Variants in AGTPBP1 observed in about 807,000 individuals in gnomAD.
The protein encoded by AGTPBP1 is ATP/GTP binding carboxypeptidase 1.
AGTPBP1 carries 70 observed loss-of-function variants against 143.9 expected under a neutral mutation model. The ratio of observed to expected loss-of-function variants is 0.49; its 90% CI spans 0.40 to 0.59. The LOEUF is 0.59. AGTPBP1 is among the 20% of genes least tolerant of loss of function. The probability of loss-of-function intolerance (pLI) is 0.00; values close to 1 mark genes in which losing one functional copy is unlikely to be tolerated. For synonymous variants in AGTPBP1, 463 were observed against 500.2 expected (o/e 0.93, Z 0.99); for missense variants, 1,229 against 1,464.5 (o/e 0.84, Z 2.62).
chr9:85,714,554 G>A (rs1209502593), intron 1 of AGTPBP1, among the ~76,000 whole-genome samples: 1 of 152,126 alleles, frequency 6.6e-6, no homozygotes, highest in Non-Finnish European at 1.5e-5. Context: ...AAATCTGTCT[G>A]CAGCTAGACA....
At chr9:85,580,581 T>C (rs943929114) in intron 23 of AGTPBP1, among the ~76,000 whole-genome samples, 1 of 152,152 alleles carries the variant, frequency 6.6e-6, no homozygotes, top group African/African-American at 2.4e-5. Flanking sequence ...TTTATAATTA[T>C]AGGTATGCTA....
chr9:85,627,453 A>G (rs980800792), intron 14 of AGTPBP1, among the ~76,000 whole-genome samples: 1 of 152,196 alleles, frequency 6.6e-6, no homozygotes, highest in Non-Finnish European at 1.5e-5. Flanking sequence ...AGGAACAAAT[A>G]ATTTTGAAGA....
chr9:85,642,691 A>G, intron 13 of AGTPBP1, 136 bp downstream of exon 13: 1 of 718,720 alleles, frequency 1.4e-6, no homozygotes, highest in Non-Finnish European at 2.3e-6. Flanking sequence ...TAATTATTCA[A>G]TGCCACTCAG....
intron 14 of AGTPBP1, among the ~76,000 whole-genome samples, chr9:85,626,364 A>G (rs566236873): frequency 2.0e-5 from 3 of 152,370 alleles, no homozygotes; most frequent in Admixed American, 1.3e-4. Flanking sequence ...CACTGAAATC[A>G]TGTAAAGGAG....
In AGTPBP1 at chr9:85,587,401, A is replaced by G. The variant is rs77829971; in HGVS notation, c.2904-441T>C. On this transcript the variant is annotated intron_variant, in intron 21 of 25. Coordinates refer to ENST00000357081, the MANE Select transcript of AGTPBP1 (RefSeq NM_001330701.2). ...TCTTCTGAGAAAGACAAGTATATGAAAAGTATACACTGTTGTAAAACATCA... is the reference window on the plus strand; with the variant it reads ...TCTTCTGAGAAAGACAAGTATATGAGAAGTATACACTGTTGTAAAACATCA... Among the ~76,000 whole-genome samples, 420 of 152,312 alleles carry G rather than the reference A, an allele frequency of 2.8e-3. 3 individuals carry two copies. Among genetic ancestry groups the G allele is most frequent in the African/African-American group, 9.5e-3 (393 of 41,574 alleles).
intron 24 of AGTPBP1, among the ~76,000 whole-genome samples, chr9:85,578,476 A>G (rs1011913830): frequency 1.3e-5 from 2 of 152,220 alleles, no homozygotes; most frequent in African/African-American, 4.8e-5. Context: ...AAACAAACAC[A>G]TAAATAATAG....
chr9:85,578,128 AC>A (rs1828012246), intron 24 of AGTPBP1, among the ~76,000 whole-genome samples: 1 of 152,208 alleles, frequency 6.6e-6, no homozygotes, highest in African/African-American at 2.4e-5. Context: ...CTAAAGTCCA[AC>A]TCATTGCACA....
At chr9:85,596,215 A>C (rs1829290954) in intron 18 of AGTPBP1, 147 bp downstream of exon 18, 1 of 574,282 alleles carries the variant, frequency 1.7e-6, no homozygotes, top group South Asian at 2.8e-5. Flanking sequence ...CTCAAGTTCA[A>C]AAGGACTCTT....
At chr9:85,796,733 G>C in the AGTPBP1 span, among the ~76,000 whole-genome samples, 3 of 152,152 alleles carry the variant, frequency 2.0e-5, no homozygotes, top group Non-Finnish European at 4.4e-5. Context: ...GCCTGTATTA[G>C]AACATCTCAT....
intron 11 of AGTPBP1, among the ~76,000 whole-genome samples, chr9:85,649,356 G>A (rs1372094993): frequency 6.6e-6 from 1 of 152,098 alleles, no homozygotes; most frequent in African/African-American, 2.4e-5. Context: ...TTCCCTTTAT[G>A]TTTTCTATGT....
chr9:85,680,545 T>C (rs1051210802), intron 4 of AGTPBP1, among the ~76,000 whole-genome samples: 6 of 151,210 alleles, frequency 4.0e-5, no homozygotes, highest in African/African-American at 1.2e-4. Flanking sequence ...GATTGCACCA[T>C]TGCACTCCAG....
intron 14 of AGTPBP1, among the ~76,000 whole-genome samples, chr9:85,624,245 A>C (rs967953583): frequency 3.3e-5 from 5 of 152,184 alleles, no homozygotes; most frequent in Admixed American, 2.0e-4. Context: ...CTTTACAGAG[A>C]GTATAACATA....
At chr9:85,567,853 TAAAG>T (rs1453260150) in intron 25 of AGTPBP1, among the ~76,000 whole-genome samples, 2 of 152,130 alleles carry the variant, frequency 1.3e-5, no homozygotes, top group African/African-American at 2.4e-5. Flanking sequence ...AAGGGAATGA[TAAAG>T]AAGCAATTTT....
intron 3 of AGTPBP1, among the ~76,000 whole-genome samples, chr9:85,688,113 A>AAAAAAAAAAG: frequency 6.7e-6 from 1 of 149,338 alleles, no homozygotes; most frequent in Non-Finnish European, 1.5e-5. Context: ...AAAAAAAAAA[A>AAAAAAAAAAG]AAAAAAAGGC....
intron 13 of AGTPBP1, among the ~76,000 whole-genome samples, chr9:85,634,952 T>TC (rs1394634241): frequency 1.1e-4 from 17 of 152,078 alleles, no homozygotes; most frequent in African/African-American, 3.9e-4. Context: ...ACTATGGTTT[T>TC]TTAAAAAAAA....
intron 2 of AGTPBP1, among the ~76,000 whole-genome samples, chr9:85,703,358 CAA>C (rs1236298410): frequency 6.6e-6 from 1 of 152,114 alleles, no homozygotes; most frequent in Non-Finnish European, 1.5e-5. Context: ...ATAAAGGAAT[CAA>C]GAGTAGAGGC....
intron 11 of AGTPBP1, among the ~76,000 whole-genome samples, chr9:85,653,554 C>T (rs1169783851): frequency 6.6e-6 from 1 of 152,086 alleles, no homozygotes; most frequent in Non-Finnish European, 1.5e-5. Context: ...TACTACTGGC[C>T]GCAGCACAGG....
At chr9:85,596,888 T>C (rs958912695) in intron 17 of AGTPBP1, among the ~76,000 whole-genome samples, 1 of 152,070 alleles carries the variant, frequency 6.6e-6, no homozygotes, top group Non-Finnish European at 1.5e-5. Flanking sequence ...TCTCCATACA[T>C]ATATGTGTTT....
At chr9:85,626,683 C>A (rs1187526588) in intron 14 of AGTPBP1, among the ~76,000 whole-genome samples, 1 of 146,986 alleles carries the variant, frequency 6.8e-6, no homozygotes, top group Non-Finnish European at 1.5e-5. Flanking sequence ...GGTCAGCAAA[C>A]TTCTCCTACA....
Sources: allele counts gnomAD v4.1 joint callset (sites outside exome capture counted in the v4.1 genomes callset), GRCh38; gene constraint gnomAD v4.1.1; transcripts MANE v1.5; gene names NCBI Gene and HGNC (gene_info 2026-07-23, HGNC 2026-07-21).